C1QTNF3: variants seen among roughly 807,000 people sequenced by gnomAD.
C1QTNF3 encodes complement C1q tumor necrosis factor-related protein 3.
A neutral mutation model predicts 32.6 loss-of-function variants in C1QTNF3; 26 were observed. The ratio of observed to expected loss-of-function variants is 0.80; its 90% CI spans 0.58 to 1.11. The LOEUF (loss-of-function observed/expected upper bound fraction) is 1.11. C1QTNF3 is among the 50% of genes least tolerant of loss of function. C1QTNF3 has a pLI of 0.00. For missense variants in C1QTNF3, 362 were observed against 398.2 expected (o/e 0.91, Z 0.77); for synonymous variants, 155 against 146.0 (o/e 1.06, Z -0.44).
At chr5:34,224,008 C>G in the C1QTNF3 span, among the ~76,000 whole-genome samples, 6 of 152,018 alleles carry the variant, frequency 3.9e-5, no homozygotes, top group Non-Finnish European at 7.4e-5. Flanking sequence ...ACACCAATAA[C>G]AGACAATCAG....
chr5:34,062,880 A>C, the C1QTNF3 span, among the ~76,000 whole-genome samples: 13 of 152,234 alleles, frequency 8.5e-5, no homozygotes, highest in Non-Finnish European at 1.5e-5. Context: ...TTTTTGACTT[A>C]GAATAGTTCT....
chr5:34,080,110 GTTC>G, the C1QTNF3 span, among the ~76,000 whole-genome samples: 15 of 151,574 alleles, frequency 9.9e-5, no homozygotes, highest in Non-Finnish European at 1.8e-4. Context: ...CGATAAAGCA[GTTC>G]TTTTTTTTAA....
At chr5:34,133,686 T>C in the C1QTNF3 span, among the ~76,000 whole-genome samples, 344 of 152,306 alleles carry the variant, frequency 2.3e-3, 1 homozygote, top group African/African-American at 7.9e-3. Flanking sequence ...CAAAGCAATG[T>C]GGAAATCAAT....
the C1QTNF3 span, among the ~76,000 whole-genome samples, chr5:34,175,155 TGCCTCA>T: frequency 6.6e-6 from 1 of 151,816 alleles, no homozygotes; most frequent in Non-Finnish European, 1.5e-5. Context: ...GCTATCCGCC[TGCCTCA>T]GCCTCCCAAG....
At chr5:34,031,736 G>C (rs1754618820) in intron 3 of C1QTNF3, among the ~76,000 whole-genome samples, 2 of 152,208 alleles carry the variant, frequency 1.3e-5, no homozygotes, top group Non-Finnish European at 2.9e-5. Flanking sequence ...TCCAGAGGCT[G>C]AGGCAAGAGA....
the C1QTNF3 span, among the ~76,000 whole-genome samples, chr5:34,092,167 ATTG>A: frequency 1.3e-5 from 2 of 152,054 alleles, no homozygotes; most frequent in Admixed American, 1.3e-4. Context: ...TAGATATATT[ATTG>A]TTCAAATTAT....
At chr5:34,118,302 C>T in the C1QTNF3 span, among the ~76,000 whole-genome samples, 20 of 152,280 alleles carry the variant, frequency 1.3e-4, no homozygotes, top group Middle Eastern at 3.4e-3. Flanking sequence ...AACTTTAGAA[C>T]TCCTGACCCC....
chr5:34,054,367 A>G, the C1QTNF3 span, among the ~76,000 whole-genome samples: 4 of 152,214 alleles, frequency 2.6e-5, no homozygotes, highest in African/African-American at 4.8e-5. Context: ...AGAGATTCAG[A>G]TGCTCTATCC....
chr5:34,083,509 TA>T, the C1QTNF3 span, among the ~76,000 whole-genome samples: 97,871 of 145,468 alleles, frequency 0.67, 33,160 homozygotes, highest in African/African-American at 0.78. Flanking sequence ...AATGAATTTG[TA>T]AAAAAAAAAA....
At chr5:34,212,969 G>A in the C1QTNF3 span, among the ~76,000 whole-genome samples, 1,958 of 151,996 alleles carry the variant, frequency 0.013, 44 homozygotes, top group African/African-American at 0.045. Context: ...TGTTTATTGC[G>A]GCACTATTCA....
Position 34,020,627 on chromosome 5 carries a change from G to T in C1QTNF3, c.916C>A (p.Arg306Ser). Residue 306 changes from arginine to serine, a missense_variant, in exon 6 of 6, where the codon CGC (arginine) becomes AGC (serine). Transcript: ENST00000382065. ...AGGAATCCTGCAAAGGTGGAGAAGC[G>T]TTGGTGGTCCCCATGGAGAGCGCCA... ...GNGALHGDHQ[R>S]FSTFAGFLLF... The T allele has an allele frequency of 6.2e-7, 1 of 1,614,214 alleles. No individual in the cohort carries two copies. Among genetic ancestry groups the T allele is most frequent in the South Asian group, 1.1e-5 (1 of 91,088 alleles).
At chr5:34,054,965 G>C in the C1QTNF3 span, among the ~76,000 whole-genome samples, 1 of 152,152 alleles carries the variant, frequency 6.6e-6, no homozygotes, top group Non-Finnish European at 1.5e-5. Context: ...ATCACATGTT[G>C]TCTTAGGCAG....
At chr5:34,063,211 T>C in the C1QTNF3 span, among the ~76,000 whole-genome samples, 6 of 152,108 alleles carry the variant, frequency 3.9e-5, no homozygotes, top group African/African-American at 1.2e-4. Flanking sequence ...ACTACTTGTA[T>C]ATCTCTTTCT....
At chr5:34,178,249 C>T in the C1QTNF3 span, among the ~76,000 whole-genome samples, 14 of 152,254 alleles carry the variant, frequency 9.2e-5, no homozygotes, top group African/African-American at 3.4e-4. Context: ...CCACTACACT[C>T]CAGCCTGGGT....
At chr5:34,107,802 T>C in the C1QTNF3 span, among the ~76,000 whole-genome samples, 9 of 152,118 alleles carry the variant, frequency 5.9e-5, no homozygotes, top group African/African-American at 1.4e-4. Flanking sequence ...ATGTTACCAC[T>C]GACCAATTCT....
At chr5:34,224,806 T>A in the C1QTNF3 span, among the ~76,000 whole-genome samples, 9 of 152,154 alleles carry the variant, frequency 5.9e-5, no homozygotes, top group East Asian at 7.7e-4. Flanking sequence ...ACAAATGGGA[T>A]CTCATTAAAC....
chr5:34,056,044 C>T, the C1QTNF3 span, among the ~76,000 whole-genome samples: 2 of 152,164 alleles, frequency 1.3e-5, no homozygotes, highest in South Asian at 2.1e-4. Context: ...CAGAAACCTC[C>T]CTTCTCCAAT....
At chr5:34,097,064 TTC>T in the C1QTNF3 span, among the ~76,000 whole-genome samples, 1 of 152,082 alleles carries the variant, frequency 6.6e-6, no homozygotes, top group East Asian at 1.9e-4. Context: ...ATTTTTATCT[TTC>T]TGTTTGGAAA....
the C1QTNF3 span, among the ~76,000 whole-genome samples, chr5:34,091,051 C>T: frequency 1.6e-4 from 24 of 152,276 alleles, no homozygotes; most frequent in Non-Finnish European, 3.2e-4. Flanking sequence ...AGAAAATAAG[C>T]ATTGTGCTGG....
Sources: gnomAD v4.1 joint callset for allele counts (sites outside exome capture counted in the v4.1 genomes callset) on GRCh38, gnomAD v4.1.1 for gene constraint, MANE v1.5 for transcripts, NCBI Gene and HGNC (gene_info 2026-07-23, HGNC 2026-07-21) for gene names.